The following BBX variants were observed in gnomAD, a reference collection of about 807,000 sequenced individuals.
The protein encoded by BBX is HMG box transcription factor BBX.
BBX carries 30 observed loss-of-function variants against 100.2 expected under a neutral mutation model. The observed-to-expected ratio is 0.30, with a 90% confidence interval of 0.22 to 0.41. BBX has a LOEUF of 0.41. BBX is among the 10% of genes least tolerant of loss of function. The probability of loss-of-function intolerance (pLI) is 1.00; values close to 1 mark genes in which losing one functional copy is unlikely to be tolerated. For missense variants in BBX, 1,023 were observed against 1,129.8 expected (o/e 0.91, Z 1.35); for synonymous variants, 376 against 388.1 (o/e 0.97, Z 0.37).
At chr3:107,795,052 T>C (rs1409503283) in intron 15 of BBX, among the ~76,000 whole-genome samples, 1 of 152,212 alleles carries the variant, frequency 6.6e-6, no homozygotes, top group Admixed American at 6.5e-5. Context: ...TTTTGTGTGC[T>C]CAATTAAAAG....
intron 2 of BBX, among the ~76,000 whole-genome samples, chr3:107,616,061 T>G (rs1050973423): frequency 4.6e-4 from 63 of 136,134 alleles, no homozygotes; most frequent in Non-Finnish European, 7.6e-4. Flanking sequence ...TGTTGTTGTT[T>G]AAAATTTTTT....
intron 11 of BBX, among the ~76,000 whole-genome samples, chr3:107,774,461 A>G (rs1390404742): frequency 1.3e-5 from 2 of 152,180 alleles, no homozygotes; most frequent in African/African-American, 4.8e-5. Flanking sequence ...AGCTAGCAGC[A>G]GTTAGTCTGT....
intron 10 of BBX, among the ~76,000 whole-genome samples, chr3:107,772,416 C>T (rs2066981964): frequency 6.6e-6 from 1 of 152,166 alleles, no homozygotes; most frequent in Non-Finnish European, 1.5e-5. Flanking sequence ...TTCAGAGATA[C>T]GTTTGACGAG....
intron 2 of BBX, among the ~76,000 whole-genome samples, chr3:107,623,805 G>A (rs1253946241): frequency 6.6e-6 from 1 of 152,060 alleles, no homozygotes; most frequent in African/African-American, 2.4e-5. Context: ...TTATGGGTTG[G>A]GCACTGTACA....
intron 3 of BBX, among the ~76,000 whole-genome samples, chr3:107,672,440 A>G (rs1283104829): frequency 1.3e-5 from 2 of 152,038 alleles, no homozygotes; most frequent in East Asian, 3.9e-4. Context: ...GATTTCATGA[A>G]AAGAACCTAT....
chr3:107,729,751 T>G (rs1015139023), intron 6 of BBX, among the ~76,000 whole-genome samples: 1 of 152,102 alleles, frequency 6.6e-6, no homozygotes, highest in African/African-American at 2.4e-5. Flanking sequence ...GCAAATTTTC[T>G]TCCAAAGCAG....
chr3:107,766,872 G>T (rs752444026), intron 10 of BBX, among the ~76,000 whole-genome samples: 9 of 152,160 alleles, frequency 5.9e-5, no homozygotes, highest in African/African-American at 9.7e-5. Context: ...ATACTATGCA[G>T]CCATAAAAAA....
chr3:107,778,606 A>T, intron 13 of BBX, 87 bp downstream of exon 13: 2 of 1,424,460 alleles, frequency 1.4e-6, no homozygotes, highest in Non-Finnish European at 1.9e-6. Context: ...TAGACATATC[A>T]TTGGATTTGG....
intron 4 of BBX, among the ~76,000 whole-genome samples, chr3:107,711,654 A>G (rs957470757): frequency 2.6e-5 from 4 of 151,924 alleles, no homozygotes; most frequent in African/African-American, 7.3e-5. Context: ...TAATTGTCTC[A>G]CTCCTTACTA....
chr3:107,774,983 T>G, intron 12 of BBX, 126 bp downstream of exon 12: 2 of 1,092,248 alleles, frequency 1.8e-6, no homozygotes, highest in Non-Finnish European at 2.5e-6. Context: ...CTTCCTACAA[T>G]CTTAGTAGGC....
intron 1 of BBX, chr3:107,524,005 CAGAG>C (rs1330322997): frequency 4.1e-5 from 6 of 144,598 alleles, no homozygotes; most frequent in Admixed American, 6.9e-5. Flanking sequence ...GAGAGGGAGA[CAGAG>C]AGAGAGGGAG....
intron 2 of BBX, among the ~76,000 whole-genome samples, chr3:107,575,032 G>C (rs1178129905): frequency 6.6e-6 from 1 of 152,150 alleles, no homozygotes; most frequent in African/African-American, 2.4e-5. Context: ...CCACAAAAAG[G>C]TGGCAATTAT....
intron 2 of BBX, among the ~76,000 whole-genome samples, chr3:107,565,963 G>A (rs1484649769): frequency 6.6e-6 from 1 of 151,060 alleles, no homozygotes; most frequent in Non-Finnish European, 1.5e-5. Flanking sequence ...CACCTGAGGT[G>A]AGGAGCTCAA....
intron 2 of BBX, among the ~76,000 whole-genome samples, chr3:107,566,001 C>T (rs1576327762): frequency 2.0e-5 from 3 of 151,230 alleles, no homozygotes; most frequent in African/African-American, 4.8e-5. Flanking sequence ...TGGTGAAACC[C>T]CATCTCTACT....
intron 3 of BBX, among the ~76,000 whole-genome samples, chr3:107,670,850 C>T (rs562282719): frequency 6.6e-6 from 1 of 152,184 alleles, no homozygotes; most frequent in African/African-American, 2.4e-5. Context: ...ACACCAACAA[C>T]ATCTCTACCT....
At chr3:107,755,721 GA>G (rs771034767) in intron 10 of BBX, 43 bp downstream of exon 10, 20 of 1,501,606 alleles carry the variant, frequency 1.3e-5, no homozygotes, top group Non-Finnish European at 1.9e-5. Context: ...TGCAGAGGTG[GA>G]AATTACAAAA....
chr3:107,749,682 G>A (rs2064913846), intron 9 of BBX, among the ~76,000 whole-genome samples: 1 of 149,282 alleles, frequency 6.7e-6, no homozygotes, highest in Non-Finnish European at 1.5e-5. Context: ...TACCTAGGCT[G>A]GAGTGCAGTG....
intron 15 of BBX, among the ~76,000 whole-genome samples, chr3:107,797,997 T>G (rs956566383): frequency 4.6e-5 from 7 of 152,234 alleles, no homozygotes; most frequent in Non-Finnish European, 7.3e-5. Flanking sequence ...TACTGCACAG[T>G]CAATCTACAT....
chr3:107,702,958 G>T (rs1054844359), intron 3 of BBX, among the ~76,000 whole-genome samples: 1 of 152,044 alleles, frequency 6.6e-6, no homozygotes, highest in Non-Finnish European at 1.5e-5. Flanking sequence ...TGAGTTGAAT[G>T]GGAGGTAAGA....
Sources: allele counts gnomAD v4.1 joint callset (sites outside exome capture counted in the v4.1 genomes callset), GRCh38; gene constraint gnomAD v4.1.1; transcripts MANE v1.5; gene names NCBI Gene and HGNC (gene_info 2026-07-23, HGNC 2026-07-21).